Variants in FAM53A observed in about 807,000 individuals in gnomAD.
The protein encoded by FAM53A is protein FAM53A.
In FAM53A, 28 loss-of-function variants were observed where a neutral mutation model predicts 26.6. The observed-to-expected ratio is 1.05, with a 90% CI of 0.78 to 1.45. The LOEUF (loss-of-function observed/expected upper bound fraction) is 1.45, where lower values mean the gene tolerates loss of function less well. Ranked by LOEUF, FAM53A falls within the 40% of genes most tolerant of loss-of-function variation. The pLI, the probability that FAM53A is intolerant of heterozygous loss-of-function variation, is 0.00. For missense variants in FAM53A, 650 were observed against 575.8 expected (o/e 1.13, Z -1.32); for synonymous variants, 290 against 253.1 (o/e 1.15, Z -1.38).
the FAM53A span, among the ~76,000 whole-genome samples, chr4:1,594,943 G>C: frequency 6.6e-6 from 1 of 152,228 alleles, no homozygotes; most frequent in African/African-American, 2.4e-5. Context: ...GGAGGGGGAA[G>C]TCTGTTCCTT....
chr4:1,618,201 G>A (rs1714879941), intron 1 of FAM53A: 9 of 455,042 alleles, frequency 2.0e-5, no homozygotes, highest in Admixed American at 1.4e-4. Flanking sequence ...CAGAGACAGT[G>A]AGGCTGGCCT....
the FAM53A span, among the ~76,000 whole-genome samples, chr4:1,600,953 T>C: frequency 6.6e-6 from 1 of 152,156 alleles, no homozygotes; most frequent in Non-Finnish European, 1.5e-5. Flanking sequence ...CGACCAGCCC[T>C]GCCCCAGGGC....
chr4:1,650,837 G>A (rs1448887421), intron 4 of FAM53A, among the ~76,000 whole-genome samples: 1 of 151,722 alleles, frequency 6.6e-6, no homozygotes, highest in Non-Finnish European at 1.5e-5. Flanking sequence ...GTTTGAAGCT[G>A]CTGGATTCAG....
At chr4:1,644,283 C>A in intron 4 of FAM53A, 1 of 1,536,012 alleles carries the variant, frequency 6.5e-7, no homozygotes, top group Non-Finnish European at 8.7e-7. Flanking sequence ...CCGACAGATG[C>A]TGTAAGCTCA....
At position 1,621,101 on chromosome 4, in the gene FAM53A, C is replaced by CTTTTTTTTTTTTTTTTTTT. The variant is rs574102929; in HGVS notation, c.432-3009_432-2991dup. Among the ~76,000 whole-genome samples, 4 of 95,488 alleles carry CTTTTTTTTTTTTTTTTTTT rather than the reference C, an allele frequency of 4.2e-5. 1 individual carries two copies. The highest frequency in any genetic ancestry group is 3.9e-5 in the Non-Finnish European group (2 of 50,806). 62.6% of individuals were successfully genotyped at this position (95,488 alleles called of 152,430 possible). A position where few individuals can be genotyped will look rare whatever the true frequency, so the allele number is the denominator to read the frequency against. On this transcript the variant is annotated intron_variant, in intron 1 of 1. Coordinates refer to the FAM53A transcript ENST00000489029. Reference sequence around the variant, plus strand: ...TTTCCTAGCTGAGTCAGCTACGCTACTTTTTTTTTTTTTTTTTTTTTGAGA... The same window carrying CTTTTTTTTTTTTTTTTTTT: ...TTTCCTAGCTGAGTCAGCTACGCTACTTTTTTTTTTTTTTTTTTTTTTTTTTTTTTTTTTTTTTTTGAGA...
At chr4:1,685,018 G>T (rs1244556416), upstream of FAM53A, among the ~76,000 whole-genome samples, 4 of 152,086 alleles carry the variant, frequency 2.6e-5, no homozygotes, top group Non-Finnish European at 4.4e-5. Flanking sequence ...CCGCTCTCGG[G>T]GTCTCCAGCA....
intron 2 of FAM53A, 65 bp downstream of exon 2, chr4:1,668,602 T>C: frequency 6.3e-7 from 1 of 1,581,418 alleles, no homozygotes; most frequent in South Asian, 1.1e-5. Flanking sequence ...CCTCCCAGTG[T>C]GGCCATTCCC....
chr4:1,604,821 C>T, the FAM53A span, among the ~76,000 whole-genome samples: 1 of 152,124 alleles, frequency 6.6e-6, no homozygotes, highest in South Asian at 2.1e-4. Context: ...AAACCCAGAC[C>T]GAGCACCACC....
downstream of FAM53A, among the ~76,000 whole-genome samples, chr4:1,614,435 G>C (rs1474439315): frequency 1.1e-3 from 149 of 129,822 alleles, 5 homozygotes; most frequent in African/African-American, 4.3e-3. Context: ...ACGTGAGGGG[G>C]ATGCAGAGAC....
Position 1,655,479 on chromosome 4 carries a change from G to A in FAM53A, c.381C>T (p.Pro127=), listed in dbSNP as rs368756950. The A allele has an allele frequency of 1.3e-4, 199 of 1,574,102 alleles. No individual in the cohort carries two copies. Among genetic ancestry groups the A allele is most frequent in the Non-Finnish European group, 1.6e-4 (183 of 1,158,634 alleles). Residue 127 remains proline (P), a synonymous_variant, in exon 4 of 5, where the codon CCC becomes CCT. Coordinates refer to ENST00000308132, the MANE Select transcript of FAM53A (RefSeq NM_001174070.3). Reference sequence around the variant, plus strand: ...GGGACCGGCAGCGCACAAGCTCCTCGGGTTCTGACAAGGACCGGCAATGCC... The same window carrying A: ...GGGACCGGCAGCGCACAAGCTCCTCAGGTTCTGACAAGGACCGGCAATGCC... The part of the protein sequence containing the change: ...TKRHCRSLSE[P]EELVRCRSPW...
intron 1 of FAM53A, among the ~76,000 whole-genome samples, chr4:1,681,189 C>G (rs1262948651): frequency 1.3e-5 from 2 of 152,178 alleles, no homozygotes; most frequent in Admixed American, 1.3e-4. Flanking sequence ...CTCAGCCTCC[C>G]GAGTTCAAGT....
At chr4:1,629,245 G>T (rs1355547364) in intron 1 of FAM53A, among the ~76,000 whole-genome samples, 1 of 152,122 alleles carries the variant, frequency 6.6e-6, no homozygotes, top group East Asian at 1.9e-4. Context: ...CTCTCCACCA[G>T]GACTCCAGGG....
At chr4:1,643,240 G>A (rs1199060088) in intron 4 of FAM53A, among the ~76,000 whole-genome samples, 1 of 152,162 alleles carries the variant, frequency 6.6e-6, no homozygotes, top group East Asian at 1.9e-4. Flanking sequence ...GCCGGGGCGG[G>A]CGGATCACGA....
chr4:1,664,035 C>T (rs1318171276), intron 2 of FAM53A, among the ~76,000 whole-genome samples: 1 of 152,164 alleles, frequency 6.6e-6, no homozygotes, highest in Non-Finnish European at 1.5e-5. Flanking sequence ...GGGTCCTCAA[C>T]ACACAAGCTC....
At chr4:1,616,053 G>T (rs113977874), downstream of FAM53A, among the ~76,000 whole-genome samples, 21 of 152,316 alleles carry the variant, frequency 1.4e-4, 1 homozygote, top group African/African-American at 4.3e-4. Context: ...TGGGATTCCA[G>T]GAAGGAAGGA....
At chr4:1,622,283 A>G (rs915772069) in intron 1 of FAM53A, among the ~76,000 whole-genome samples, 1 of 152,148 alleles carries the variant, frequency 6.6e-6, no homozygotes, top group Admixed American at 6.5e-5. Context: ...TGCAGCCCCC[A>G]GTGTGGGGGT....
intron 1 of FAM53A, among the ~76,000 whole-genome samples, chr4:1,670,036 C>T (rs570727306): frequency 4.6e-5 from 7 of 152,336 alleles, no homozygotes; most frequent in African/African-American, 1.2e-4. Flanking sequence ...TAGGCAGCAC[C>T]GCTCAGGAGC....
chr4:1,651,876 G>C (rs1184792318), intron 4 of FAM53A, among the ~76,000 whole-genome samples: 3 of 151,920 alleles, frequency 2.0e-5, no homozygotes, highest in African/African-American at 7.3e-5. Context: ...CCAGTCCTAG[G>C]GGTCACGGCT....
upstream of FAM53A, among the ~76,000 whole-genome samples, chr4:1,684,508 G>GT (rs1243920442): frequency 6.6e-6 from 1 of 150,386 alleles, no homozygotes; most frequent in African/African-American, 2.4e-5. Context: ...AGCGCGCCCT[G>GT]TGCGAGGGTC....
Sources: allele counts gnomAD v4.1 joint callset (sites outside exome capture counted in the v4.1 genomes callset), GRCh38; gene constraint gnomAD v4.1.1; transcripts MANE v1.5; gene names NCBI Gene and HGNC (gene_info 2026-07-23, HGNC 2026-07-21).